Variants in MAP1B observed in about 807,000 individuals in gnomAD.
MAP1B encodes microtubule-associated protein 1B.
MAP1B carries 12 observed loss-of-function variants against 176.1 expected under a neutral mutation model. The ratio of observed to expected loss-of-function variants is 0.07; its 90% CI spans 0.04 to 0.11. The LOEUF is 0.11. Among genes scored for constraint, MAP1B ranks in the 10% least tolerant of loss-of-function variants. The pLI, the probability that MAP1B is intolerant of heterozygous loss-of-function variation, is 1.00. For synonymous variants in MAP1B, 1,044 were observed against 1,135.0 expected (o/e 0.92, Z 1.61); for missense variants, 2,523 against 2,990.5 (o/e 0.84, Z 3.65).
intron 2 of MAP1B, among the ~76,000 whole-genome samples, chr5:72,170,980 T>G (rs895109939): frequency 2.0e-5 from 3 of 152,008 alleles, no homozygotes; most frequent in African/African-American, 7.2e-5. Context: ...AAATAATGTT[T>G]AATATATAGG....
At chr5:72,189,726 AAAAAT>A (rs1485997284) in intron 4 of MAP1B, among the ~76,000 whole-genome samples, 3 of 152,246 alleles carry the variant, frequency 2.0e-5, no homozygotes, top group Admixed American at 2.0e-4. Context: ...AAAACATTAA[AAAAAT>A]AAAATAAAAA....
At chr5:72,183,663 C>A in intron 2 of MAP1B, 80 bp from the exon 3 acceptor site, 3 of 977,146 alleles carry the variant, frequency 3.1e-6, no homozygotes, top group Non-Finnish European at 4.9e-6. Context: ...AATTCCTCTG[C>A]TGTCCCAGGA....
intron 2 of MAP1B, among the ~76,000 whole-genome samples, chr5:72,152,315 T>C (rs965132150): frequency 2.0e-5 from 3 of 152,202 alleles, no homozygotes; most frequent in Non-Finnish European, 4.4e-5. Context: ...ATGGGATTCC[T>C]TGTTCTGCAA....
At chr5:72,151,789 C>T (rs1296360688) in intron 2 of MAP1B, among the ~76,000 whole-genome samples, 2 of 152,212 alleles carry the variant, frequency 1.3e-5, no homozygotes, top group Non-Finnish European at 2.9e-5. Context: ...AGTTCCCTCC[C>T]TGTTCTTTAG....
rs1747130607 is a variant in MAP1B at position 72,195,311 on chromosome 5, G to T, written c.1956G>T (p.Glu652Asp). ...TAAAGCCTGAAGACAAGAAAGAGGA[G>T]AAAGAAAAGCCAAAGAAAGAAGTGG... ...TKVKPEDKKEEKEKPKKEVAK... is the reference protein window; with the variant it reads ...TKVKPEDKKEDKEKPKKEVAK... The change falls in exon 5 of 7, where the codon GAG becomes GAT. Residue 652 changes from glutamate (E) to aspartate (D), a missense_variant. Transcript: ENST00000296755. 6.2e-7 allele frequency: 1 copy of T among 1,608,942 alleles called. No homozygotes were observed. The highest frequency in any genetic ancestry group is 2.2e-5 in the East Asian group (1 of 44,658).
At chr5:72,126,648 C>T (rs531021974) in intron 2 of MAP1B, among the ~76,000 whole-genome samples, 1 of 152,282 alleles carries the variant, frequency 6.6e-6, no homozygotes, top group Admixed American at 6.5e-5. Context: ...TCTCATCACT[C>T]GTATGTAGAT....
In MAP1B at chr5:72,123,585, C is replaced by T. The variant is rs181647993; in HGVS notation, c.286+7786C>T. 6.3e-3 allele frequency among the ~76,000 whole-genome samples: 955 copies of T among 151,860 alleles called. 10 individuals are homozygous for T. Among genetic ancestry groups the T allele is most frequent in the African/African-American group, 0.022 (919 of 41,406 alleles). On this transcript the variant is annotated intron_variant, in intron 2 of 6. Transcript: ENST00000296755. ...CTGCAAGCTATGCCTCCCAGGTTCACGCCATTCTCCTGCCTCAGGCTCCCG... is the reference window on the plus strand; with the variant it reads ...CTGCAAGCTATGCCTCCCAGGTTCATGCCATTCTCCTGCCTCAGGCTCCCG...
chr5:72,200,297 A>T lies in MAP1B; in HGVS notation c.6942A>T (p.Glu2314Asp). The T allele has an allele frequency of 6.2e-7, 1 of 1,614,214 alleles. No individual in the cohort carries two copies. The highest frequency in any genetic ancestry group is 8.5e-7 in the Non-Finnish European group (1 of 1,180,012). ...TTPEVKAARG[E>D]EKDKETKNAA... ...CTGAGGTCAAAGCTGCACGTGGGGA[A>T]GAGAAAGACAAGGAGACCAAGAATG... The change falls in exon 5 of 7, where the codon GAA (glutamate) becomes GAT (aspartate). Residue 2314 changes from glutamate (E) to aspartate (D), a missense_variant. Glu to Asp is a conservative substitution (Grantham distance 45). Transcript: ENST00000296755.
intron 5 of MAP1B, among the ~76,000 whole-genome samples, chr5:72,203,020 T>G (rs543387605): frequency 6.6e-6 from 1 of 152,310 alleles, no homozygotes; most frequent in Admixed American, 6.5e-5. Context: ...CTGAGGGCCT[T>G]GGAAATCATA....
At chr5:72,160,634 C>G (rs186564260) in intron 2 of MAP1B, among the ~76,000 whole-genome samples, 1 of 152,300 alleles carries the variant, frequency 6.6e-6, no homozygotes, top group Admixed American at 6.5e-5. Flanking sequence ...ATGAACAGAG[C>G]TAGTTCCATT....
intron 1 of MAP1B, among the ~76,000 whole-genome samples, chr5:72,111,738 A>G (rs184777688): frequency 1.4e-4 from 21 of 152,360 alleles, no homozygotes; most frequent in Admixed American, 1.3e-3. Flanking sequence ...ATTTAAGGTC[A>G]TTAAATTGTT....
chr5:72,121,111 G>C lies in MAP1B; in HGVS notation c.286+5312G>C, dbSNP rs367883954. On this transcript the variant is annotated intron_variant, in intron 2 of 6. Coordinates refer to ENST00000296755, the MANE Select transcript of MAP1B (RefSeq NM_005909.5). ...TGGCTGGTAAAGCAGAGCCTGAGAG[G>C]GGGTTGGAGACCATTTGCAAAATGG... Among the ~76,000 whole-genome samples, 73 of 152,316 alleles carry C rather than the reference G, an allele frequency of 4.8e-4. No homozygotes were observed. In the East Asian group the frequency reaches 9.3e-3, roughly 19 times the overall value.
chr5:72,193,889 C>A lies in MAP1B; in HGVS notation c.534C>A (p.Thr178=). The change falls in exon 5 of 7, where the codon ACC becomes ACA. Residue 178 remains threonine (T), a synonymous_variant. Transcript: ENST00000296755. ...DQEIGELLST[T]HPANKASLTL... The stretch of plus-strand genomic sequence containing the variant: ...AGATCGGGGAGTTACTAAGCACCAC[C>A]CATCCTGCCAACAAAGCCAGCTTAA... 6.2e-7 allele frequency: 1 copy of A among 1,604,642 alleles called. No homozygotes were observed. Among genetic ancestry groups the A allele is most frequent in the Non-Finnish European group, 8.5e-7 (1 of 1,176,322 alleles).
At chr5:72,147,755 A>G (rs992075730) in intron 2 of MAP1B, among the ~76,000 whole-genome samples, 1 of 152,174 alleles carries the variant, frequency 6.6e-6, no homozygotes, top group Non-Finnish European at 1.5e-5. Flanking sequence ...ATGTCAGGGG[A>G]AAAAATTGGT....
chr5:72,193,348 T>A lies in MAP1B; in HGVS notation c.511-518T>A, dbSNP rs7711494. The A allele has an allele frequency of 8.4e-3, 3,117 of 369,450 alleles. 53 individuals are homozygous for A. The highest frequency in any genetic ancestry group is 0.043 in the African/African-American group (1,990 of 45,850). The allele number at this position is 369,450 out of a possible 1,614,324, so 22.9% of individuals were successfully genotyped here. ...TTTAAGGTATCCATCAGGCCTTTTT[T>A]TTTTTTTTTTTTGCCAAGTCTAGTG... On this transcript the variant is annotated intron_variant, in intron 4 of 6. Coordinates refer to ENST00000296755, the MANE Select transcript of MAP1B (RefSeq NM_005909.5).
chr5:72,179,943 T>A, intron 2 of MAP1B: 1 of 985,338 alleles, frequency 1.0e-6, no homozygotes, highest in Non-Finnish European at 1.2e-6. Context: ...TTGTTTTGTT[T>A]GCAACTGATG....
intron 2 of MAP1B, among the ~76,000 whole-genome samples, chr5:72,118,202 G>C (rs1021492657): frequency 6.6e-6 from 1 of 151,980 alleles, no homozygotes; most frequent in African/African-American, 2.4e-5. Flanking sequence ...TTTGAGACAG[G>C]GTCTCACTAT....
At chr5:72,166,188 C>G (rs1163862713) in intron 2 of MAP1B, among the ~76,000 whole-genome samples, 1 of 152,208 alleles carries the variant, frequency 6.6e-6, no homozygotes, top group East Asian at 1.9e-4. Flanking sequence ...TATCCCAGCA[C>G]TTTAAGCCTC....
rs770599291 is a variant in MAP1B, at chr5:72,199,377, T to G, written c.6022T>G (p.Tyr2008Asp). 1 of 1,614,164 alleles carries G rather than the reference T, an allele frequency of 6.2e-7. No individual in the cohort carries two copies. The highest frequency in any genetic ancestry group is 1.1e-5 in the South Asian group (1 of 91,082). ...GHTLGDPSYS[Y>D]ETTEKITSFP... ...CACACTTGGGGACCCCAGCTACTCT[T>G]ATGAAACCACTGAGAAAATTACCAG... The change falls in exon 5 of 7, where the codon TAT becomes GAT. Residue 2008 changes from tyrosine (Y) to aspartate (D), a missense_variant. Physicochemically the swap from Tyr to Asp is radical, Grantham distance 160. Around this residue, in one of 4 missense-constraint regions of MAP1B, gnomAD observed 1,925 missense variants for 2,126.0 expected, o/e 0.91. Transcript: ENST00000296755. The surrounding 1 kb of genome is among the most constrained non-coding windows in gnomAD (Gnocchi z 4.2).
Sources: gnomAD v4.1 joint callset for allele counts (sites outside exome capture counted in the v4.1 genomes callset) on GRCh38, gnomAD v4.1.1 for gene constraint, gnomAD v4.1.1 regional missense constraint, Gnocchi (gnomAD v3.1) non-coding constraint, MANE v1.5 for transcripts, NCBI Gene and HGNC (gene_info 2026-07-23, HGNC 2026-07-21) for gene names.